Variants in UPRT observed in about 807,000 individuals in gnomAD.
UPRT encodes RP11-311P8.3.
In UPRT, 5 loss-of-function variants were observed where a neutral mutation model predicts 22.6. The ratio of observed to expected loss-of-function variants is 0.22; its 90% CI spans 0.12 to 0.47. UPRT has a LOEUF of 0.47. UPRT is among the 20% of genes least tolerant of loss of function. UPRT has a pLI of 0.99. For synonymous variants in UPRT, 77 were observed against 87.7 expected (o/e 0.88, Z 0.68); for missense variants, 181 against 239.9 (o/e 0.75, Z 1.62).
Position 75,274,405 on chromosome X carries a change from C to G in UPRT, c.151C>G (p.Leu51Val). The change falls in exon 1 of 7, where the codon CTC (leucine) becomes GTC (valine). Residue 51 changes from leucine to valine, a missense_variant. This residue lies in a region of UPRT where 111 missense variants were observed against 102.8 expected (regional missense o/e 1.08). Transcript: ENST00000373383. The part of the protein sequence containing the change: ...GNRASRAKVI[L>V]LTGYAHSSLP... The stretch of plus-strand genomic sequence containing the variant: ...CAGAGCCTCCAGGGCCAAGGTGATT[C>G]TCCTCACGGGGTACGCCCATTCTAG... The G allele has an allele frequency of 8.3e-7, 1 of 1,211,503 alleles. No homozygotes were observed. Among genetic ancestry groups the G allele is most frequent in the Non-Finnish European group, 1.1e-6 (1 of 895,402 alleles).
intron 4 of UPRT, among the ~76,000 whole-genome samples, chrX:75,256,903 G>A (rs1393970312): frequency 9.0e-6 from 1 of 111,382 alleles, no homozygotes; most frequent in Non-Finnish European, 1.9e-5. Flanking sequence ...AAAAAGTCCA[G>A]GACAAGAAGG....
At chrX:75,218,167 C>A (rs1296728783) in intron 4 of UPRT, among the ~76,000 whole-genome samples, 30 of 111,700 alleles carry the variant, frequency 2.7e-4, no homozygotes, top group African/African-American at 9.8e-4. Context: ...CCAGAATCTA[C>A]AATGAACTCA....
At chrX:75,180,101 T>C (rs1213750087) in intron 4 of UPRT, among the ~76,000 whole-genome samples, 2 of 112,692 alleles carry the variant, frequency 1.8e-5, no homozygotes, top group Non-Finnish European at 3.8e-5. Flanking sequence ...CCTCCCCACC[T>C]GTTGAATCTG....
chrX:75,169,493 G>C (rs904102074), intron 4 of UPRT, among the ~76,000 whole-genome samples: 4 of 111,476 alleles, frequency 3.6e-5, no homozygotes, highest in Non-Finnish European at 5.7e-5. Flanking sequence ...TTGCACTGTG[G>C]TTTTGATTTT....
chrX:75,288,799 ACCACT>A (rs749702676), intron 1 of UPRT, among the ~76,000 whole-genome samples: 29 of 111,617 alleles, frequency 2.6e-4, no homozygotes, highest in African/African-American at 8.8e-4. Context: ...ACTCACTCTC[ACCACT>A]CCTATTCAAC....
intron 4 of UPRT, among the ~76,000 whole-genome samples, chrX:75,196,066 G>C (rs765630995): frequency 1.8e-5 from 2 of 112,266 alleles, no homozygotes; most frequent in Non-Finnish European, 3.8e-5. Flanking sequence ...TTGGAATTTT[G>C]ATAAGCACTG....
At chrX:75,198,949 C>T (rs1354887435) in intron 4 of UPRT, among the ~76,000 whole-genome samples, 1 of 112,057 alleles carries the variant, frequency 8.9e-6, no homozygotes, top group Non-Finnish European at 1.9e-5. Context: ...CAGGGCTAAA[C>T]TCAGCCCTAG....
intron 4 of UPRT, among the ~76,000 whole-genome samples, chrX:75,249,099 A>G (rs1389250589): frequency 9.0e-6 from 1 of 111,719 alleles, no homozygotes; most frequent in East Asian, 2.8e-4. Context: ...CAGCCACTGC[A>G]AAAACATGCC....
intron 4 of UPRT, among the ~76,000 whole-genome samples, chrX:75,179,829 C>T (rs2082263159): frequency 8.9e-6 from 1 of 112,794 alleles, no homozygotes; most frequent in South Asian, 3.6e-4. Context: ...GCCCGCCAAG[C>T]CCACACCTAC....
intron 4 of UPRT, among the ~76,000 whole-genome samples, chrX:75,199,890 C>T (rs1316312472): frequency 1.8e-5 from 2 of 112,024 alleles, no homozygotes; most frequent in African/African-American, 6.5e-5. Context: ...TCTCCACATC[C>T]TCCCCAGCAT....
intron 4 of UPRT, among the ~76,000 whole-genome samples, chrX:75,189,498 C>G (rs1043081107): frequency 2.7e-5 from 3 of 111,908 alleles, no homozygotes; most frequent in African/African-American, 9.7e-5. Flanking sequence ...TTTCTTAAGT[C>G]TGCTTGGTGC....
chrX:75,172,176 C>G (rs2082230110), intron 4 of UPRT, among the ~76,000 whole-genome samples: 1 of 111,602 alleles, frequency 9.0e-6, no homozygotes, highest in South Asian at 3.8e-4. Flanking sequence ...TCTTCAGCTA[C>G]CAGGATGGGT....
chrX:75,274,541 T>G lies in UPRT; in HGVS notation c.287T>G (p.Phe96Cys). Residue 96 changes from phenylalanine to cysteine, a missense_variant, in exon 1 of 7, where the codon TTC becomes TGC. Phe to Cys is a radical substitution (Grantham distance 205, BLOSUM62 -2). This residue lies in a region of UPRT where 111 missense variants were observed against 102.8 expected (regional missense o/e 1.08). Coordinates refer to ENST00000373383, the MANE Select transcript of UPRT (RefSeq NM_145052.4). ...TATGACGCACCAGCTGGCAACTCCTTCCTAGAGGACTGCGAACTCTCCCGG... is the reference window on the plus strand; with the variant it reads ...TATGACGCACCAGCTGGCAACTCCTGCCTAGAGGACTGCGAACTCTCCCGG... The part of the protein sequence containing the change: ...SSYDAPAGNS[F>C]LEDCELSRQI... 1.7e-6 allele frequency: 2 copies of G among 1,211,429 alleles called. No individual in the cohort carries two copies. Among genetic ancestry groups the G allele is most frequent in the Non-Finnish European group, 2.2e-6 (2 of 895,407 alleles).
chrX:75,241,758 A>G (rs2082489349), intron 4 of UPRT, among the ~76,000 whole-genome samples: 1 of 112,044 alleles, frequency 8.9e-6, no homozygotes, highest in Non-Finnish European at 1.9e-5. Context: ...GAATGAATCA[A>G]TGGCATTCAC....
At chrX:75,189,635 C>G (rs1045813771) in intron 4 of UPRT, among the ~76,000 whole-genome samples, 2 of 111,807 alleles carry the variant, frequency 1.8e-5, no homozygotes, top group Non-Finnish European at 3.8e-5. Context: ...TTACATGTCT[C>G]TAAGGACTTG....
chrX:75,218,540 A>G (rs1289456021), intron 4 of UPRT, among the ~76,000 whole-genome samples: 1 of 97,298 alleles, frequency 1.0e-5, no homozygotes, highest in Non-Finnish European at 2.1e-5. Flanking sequence ...ATTACTGGGT[A>G]TATACCCAAA....
chrX:75,185,591 G>T (rs1020059291), intron 4 of UPRT, among the ~76,000 whole-genome samples: 2 of 112,044 alleles, frequency 1.8e-5, no homozygotes, highest in Non-Finnish European at 3.8e-5. Flanking sequence ...GTTTCAGAAG[G>T]AATGGTACCA....
chrX:75,223,158 T>A (rs1053331185), intron 4 of UPRT, among the ~76,000 whole-genome samples: 5 of 109,718 alleles, frequency 4.6e-5, no homozygotes, highest in African/African-American at 1.7e-4. Context: ...TGGAATGGGG[T>A]CCTCATGACT....
chrX:75,177,894 A>G (rs1385339417), intron 4 of UPRT, among the ~76,000 whole-genome samples: 2 of 112,264 alleles, frequency 1.8e-5, no homozygotes, highest in African/African-American at 3.2e-5. Context: ...ACAGGTAGCA[A>G]TTTTTAGAGG....
Sources: gnomAD v4.1 joint callset for allele counts (sites outside exome capture counted in the v4.1 genomes callset) on GRCh38, gnomAD v4.1.1 for gene constraint, gnomAD v4.1.1 regional missense constraint, MANE v1.5 for transcripts, NCBI Gene and HGNC (gene_info 2026-07-23, HGNC 2026-07-21) for gene names.